Variants in MRPS15 observed in about 807,000 individuals in gnomAD.
MRPS15 encodes the protein small ribosomal subunit protein uS15m.
In MRPS15, 25 loss-of-function variants were observed where a neutral mutation model predicts 30.7. That is an observed-to-expected ratio of 0.81 (90% CI 0.59 to 1.14). MRPS15 has a LOEUF of 1.14. Among genes scored for constraint, MRPS15 ranks in the 50% most tolerant of loss-of-function variants. The pLI is 0.00. For missense variants in MRPS15, 313 were observed against 321.7 expected, an observed-to-expected ratio of 0.97 and a Z score of 0.21; for synonymous variants, 124 against 120.1, an observed-to-expected ratio of 1.03 and a Z score of -0.21.
In MRPS15 at chr1:36,464,163, C is replaced by T; in HGVS notation, c.113G>A (p.Trp38Ter). The T allele has an allele frequency of 9.3e-6, 15 of 1,613,920 alleles. No individual in the cohort carries two copies. Among genetic ancestry groups the T allele is most frequent in the East Asian group, 2.2e-5 (1 of 44,876 alleles). ...CTCCTCACTTCGAGGCTGCAGGCCC[C>T]ACTGGTTGAAAGGAAACTTGGCGCT... is the stretch of plus-strand genomic sequence containing the variant. Reference protein sequence around the residue: ...GGSAKFPFNQWGLQPRSLLLQ... With the variant: ...GGSAKFPFNQ The change falls in exon 1 of 8, where the codon TGG (tryptophan) becomes TAG (stop). Residue 38 changes from tryptophan (W) to a stop codon, truncating the protein, a stop_gained. Transcript: ENST00000373116. LOFTEE classifies it high-confidence loss of function.
intron 6 of MRPS15, among the ~76,000 whole-genome samples, chr1:36,457,318 A>C (rs943194277): frequency 2.6e-5 from 4 of 151,844 alleles, no homozygotes; most frequent in African/African-American, 4.8e-5. Flanking sequence ...TCTTGGAGCA[A>C]GACTGCCTTG....
At chr1:36,457,466 A>T (rs1338225382) in intron 6 of MRPS15, among the ~76,000 whole-genome samples, 1 of 152,238 alleles carries the variant, frequency 6.6e-6, no homozygotes, top group Non-Finnish European at 1.5e-5. Context: ...TGAAGTACTT[A>T]GCACAGGGCC....
At chr1:36,463,253 C>A (rs1650133725) in intron 2 of MRPS15, among the ~76,000 whole-genome samples, 1 of 152,246 alleles carries the variant, frequency 6.6e-6, no homozygotes, top group African/African-American at 2.4e-5. Flanking sequence ...AGGCGTAAGC[C>A]ACCGCGTCCG....
In MRPS15 at chr1:36,456,954, C is replaced by T. The variant is rs1325997158; in HGVS notation, c.445-576G>A. 2.0e-5 allele frequency among the ~76,000 whole-genome samples: 3 copies of T among 152,190 alleles called. No individual in the cohort carries two copies. The East Asian group carries it at 5.8e-4, about 29-fold the overall frequency. On this transcript the variant is annotated intron_variant, in intron 6 of 7. Coordinates refer to ENST00000373116, the MANE Select transcript of MRPS15 (RefSeq NM_031280.4). ...TTTGCCTAATTACAGCAGCTCTGTG[C>T]CAGACACTGTGCTGAGATATGGTAT... is the stretch of plus-strand genomic sequence containing the variant.
chr1:36,464,307 G>A lies in MRPS15; in HGVS notation c.-32C>T, dbSNP rs1223920211. The stretch of plus-strand genomic sequence containing the variant: ...CTCTAACCCCCGCGGGGCCCGCGCC[G>A]CGGCCGCCGTTCGCTTTGCGGCACG... On this transcript the variant is annotated 5_prime_UTR_variant, in exon 1 of 8. Coordinates refer to ENST00000373116, the MANE Select transcript of MRPS15 (RefSeq NM_031280.4). 3 of 1,589,332 alleles carry A rather than the reference G, an allele frequency of 1.9e-6. No homozygotes were observed. Among genetic ancestry groups the A allele is most frequent in the South Asian group, 2.2e-5 (2 of 89,002 alleles).
intron 7 of MRPS15, 48 bp downstream of exon 7, chr1:36,456,139 T>A: frequency 6.4e-7 from 1 of 1,562,958 alleles, no homozygotes; most frequent in Admixed American, 1.8e-5. Flanking sequence ...GCTTCCTCCA[T>A]CCCAGTCCCT....
rs369633014 is a variant in MRPS15, at chr1:36,456,150, G to A, written c.636+37C>T. 4.4e-6 allele frequency: 7 copies of A among 1,575,858 alleles called. No individual in the cohort carries two copies. In the African/African-American group the frequency reaches 8.1e-5, roughly 18 times the overall value. ...TTCTGCTTCCTCCATCCCAGTCCCTGAGTGGGGCCAAGCAAAGCCGCAATT... is the reference window on the plus strand; with the variant it reads ...TTCTGCTTCCTCCATCCCAGTCCCTAAGTGGGGCCAAGCAAAGCCGCAATT... On this transcript the variant is annotated intron_variant, in intron 7 of 7. Coordinates refer to ENST00000373116, the MANE Select transcript of MRPS15 (RefSeq NM_031280.4).
At chr1:36,463,941 G>T in intron 1 of MRPS15, 91 bp from the exon 2 acceptor site, 1 of 1,532,800 alleles carries the variant, frequency 6.5e-7, no homozygotes, top group South Asian at 1.2e-5. Context: ...CGTCCGCCAC[G>T]GTCTATGCGC....
rs903014076 is a variant in MRPS15 at position 36,456,208 on chromosome 1, G to T, written c.615C>A (p.Thr205=). 1 of 1,611,530 alleles carries T rather than the reference G, an allele frequency of 6.2e-7. No individual in the cohort carries two copies. The highest frequency in any genetic ancestry group is 8.5e-7 in the Non-Finnish European group (1 of 1,178,852). Residue 205 remains threonine (T), a synonymous_variant, in exon 7 of 8, where the codon ACC becomes ACA. Transcript: ENST00000373116. Reference sequence around the variant, plus strand: ...GTACCCGAATGCACAGAGCCTTCTTGGTCACGAATCGGCGGTGGGCTCTTC... The same window carrying T: ...GTACCCGAATGCACAGAGCCTTCTTTGTCACGAATCGGCGGTGGGCTCTTC... ...YYRRAHRRFV[T]KKALCIRVFQ... is the part of the protein sequence containing the mutation.
Position 36,455,858 on chromosome 1 carries a change from T to G in MRPS15, c.704A>C (p.Lys235Thr). 6.2e-7 allele frequency: 1 copy of G among 1,614,176 alleles called. No individual in the cohort carries two copies. Among genetic ancestry groups the G allele is most frequent in the Non-Finnish European group, 8.5e-7 (1 of 1,180,028 alleles). Residue 235 changes from lysine to threonine, a missense_variant, in exon 8 of 8, where the codon AAA becomes ACA. Transcript: ENST00000373116. ...GTCTGGGTTCCTCCGCTTTGCTTGT[T>G]TTTGGGCTGCTGCTGCAGCCTTTAA... is the stretch of plus-strand genomic sequence containing the variant. ...RALKAAAAAQ[K>T]QAKRRNPDSP...
intron 6 of MRPS15, chr1:36,456,675 A>C: frequency 3.9e-6 from 1 of 258,840 alleles, no homozygotes. Context: ...TACACTACCC[A>C]CTCAGACTCT....
intron 5 of MRPS15, chr1:36,459,400 C>CAAAAAA (rs61246335): frequency 1.2e-5 from 1 of 83,822 alleles, no homozygotes. Context: ...GATCCGGTCT[C>CAAAAAA]AAAAAAAAAA....
intron 2 of MRPS15, among the ~76,000 whole-genome samples, chr1:36,462,923 T>C (rs895026824): frequency 3.9e-5 from 6 of 152,202 alleles, no homozygotes; most frequent in Non-Finnish European, 8.8e-5. Flanking sequence ...CCTCCAGCCT[T>C]GGCCTCCCAA....
intron 5 of MRPS15, among the ~76,000 whole-genome samples, chr1:36,460,279 T>C (rs1334869329): frequency 1.3e-5 from 2 of 152,208 alleles, no homozygotes; most frequent in Non-Finnish European, 2.9e-5. Flanking sequence ...GTGCTGGGAT[T>C]ACAGGCGTGA....
Position 36,458,067 on chromosome 1 carries a change from A to G in MRPS15, c.386-86T>C. The G allele has an allele frequency of 8.9e-7, 1 of 1,117,616 alleles. No homozygotes were observed. The highest frequency in any genetic ancestry group is 2.3e-5 in the East Asian group (1 of 42,640). The allele number at this position is 1,117,616 out of a possible 1,614,324, so 69.2% of individuals were successfully genotyped here. On this transcript the variant is annotated intron_variant, in intron 5 of 7. Coordinates refer to ENST00000373116, the MANE Select transcript of MRPS15 (RefSeq NM_031280.4). This position sits in a 1 kb window ranked among gnomAD's most constrained non-coding sequence, Gnocchi z 4.5. ...GGTTTACGTTTTAAGAACTCAAGGA[A>G]TAACAATCACCAATGCTCTGTACAG...
chr1:36,461,227 G>A (rs1237745204), intron 4 of MRPS15, 37 bp downstream of exon 4: 2 of 1,610,326 alleles, frequency 1.2e-6, no homozygotes, highest in Admixed American at 1.7e-5. Context: ...CAGAGGAGAA[G>A]ACTGCGGGAG....
At chr1:36,463,732 A>C in intron 2 of MRPS15, 74 bp downstream of exon 2, 1 of 1,540,486 alleles carries the variant, frequency 6.5e-7, no homozygotes, top group South Asian at 1.2e-5. Flanking sequence ...AATTCGCCAC[A>C]TCGGTCCCCT....
Position 36,464,372 on chromosome 1 carries a change from G to C in MRPS15, c.-97C>G. On this transcript the variant is annotated 5_prime_UTR_variant, in exon 1 of 8. Transcript: ENST00000373116. ...GGCGCCGCCATGCTGGCCCAGGATC[G>C]ACCAATCGAGGCAGTTGCAATACCG... 1 of 1,480,506 alleles carries C rather than the reference G, an allele frequency of 6.8e-7. No homozygotes were observed. Among genetic ancestry groups the C allele is most frequent in the Non-Finnish European group, 9.0e-7 (1 of 1,107,178 alleles). The allele number at this position is 1,480,506 out of a possible 1,614,324, so 91.7% of individuals were successfully genotyped here.
intron 5 of MRPS15, among the ~76,000 whole-genome samples, chr1:36,460,314 C>T (rs72921209): frequency 0.044 from 6,644 of 152,224 alleles, 478 homozygotes; most frequent in African/African-American, 0.15. Flanking sequence ...CCTAGTCTTA[C>T]TATTATTATC....
Sources: allele counts gnomAD v4.1 joint callset (sites outside exome capture counted in the v4.1 genomes callset), GRCh38; gene constraint gnomAD v4.1.1; non-coding constraint Gnocchi (gnomAD v3.1); transcripts MANE v1.5; gene names NCBI Gene and HGNC (gene_info 2026-07-23, HGNC 2026-07-21).